DNAH14: variants seen among roughly 807,000 people sequenced by gnomAD.
DNAH14 encodes the protein axonemal beta dynein heavy chain 14.
DNAH14 carries 478 observed loss-of-function variants against 520.9 expected under a neutral mutation model. The ratio of observed to expected loss-of-function variants is 0.92; its 90% CI spans 0.85 to 0.99. The LOEUF (loss-of-function observed/expected upper bound fraction) is 0.99. DNAH14 is among the 50% of genes least tolerant of loss of function. The pLI, the probability that DNAH14 is intolerant of heterozygous loss-of-function variation, is 0.00. For missense variants in DNAH14, 4,831 were observed against 5,234.5 expected (o/e 0.92, Z 2.38); for synonymous variants, 1,581 against 1,757.2 (o/e 0.90, Z 2.51).
chr1:225,292,175 A>G (rs1212611314), intron 55 of DNAH14, among the ~76,000 whole-genome samples: 6 of 152,068 alleles, frequency 3.9e-5, no homozygotes, highest in Non-Finnish European at 8.8e-5. Context: ...ATTCTTTTCC[A>G]AGACCAATGT....
intron 43 of DNAH14, among the ~76,000 whole-genome samples, chr1:225,246,051 G>C (rs1289424313): frequency 6.7e-6 from 1 of 148,314 alleles, no homozygotes; most frequent in African/African-American, 2.5e-5. Flanking sequence ...ACAGAACAGA[G>C]GCCTTAGAAA....
At chr1:225,154,006 G>A (rs1349095243) in intron 34 of DNAH14, among the ~76,000 whole-genome samples, 180 bp downstream of exon 34, 4 of 151,728 alleles carry the variant, frequency 2.6e-5, no homozygotes, top group Non-Finnish European at 4.4e-5. Context: ...CACAAAATCG[G>A]AGTACTTTTC....
chr1:224,935,265 T>C (rs1200270533), intron 1 of DNAH14, among the ~76,000 whole-genome samples: 1 of 151,864 alleles, frequency 6.6e-6, no homozygotes, highest in Non-Finnish European at 1.5e-5. Context: ...TCAACATAAA[T>C]GGATTATTCA....
At chr1:225,082,527 A>G (rs1234402624) in intron 19 of DNAH14, 22 bp from the exon 20 acceptor site, 1 of 1,503,988 alleles carries the variant, frequency 6.6e-7, no homozygotes, top group African/African-American at 1.4e-5. Context: ...TTATAAGCCT[A>G]CTGACCCATT....
intron 77 of DNAH14, 25 bp downstream of exon 77, chr1:225,368,057 C>T: frequency 6.7e-7 from 1 of 1,501,570 alleles, no homozygotes; most frequent in Non-Finnish European, 9.0e-7. Context: ...TTCAAACAAA[C>T]AACAAATAAG....
At chr1:225,302,611 A>G (rs2094160831) in intron 56 of DNAH14, among the ~76,000 whole-genome samples, 2 of 152,226 alleles carry the variant, frequency 1.3e-5, no homozygotes, top group African/African-American at 2.4e-5. Flanking sequence ...GCAGCAGCAC[A>G]GCCAGGTCTT....
At chr1:225,366,210 A>T (rs2095551027) in intron 76 of DNAH14, among the ~76,000 whole-genome samples, 1 of 152,242 alleles carries the variant, frequency 6.6e-6, no homozygotes, top group Non-Finnish European at 1.5e-5. Flanking sequence ...CTACTCTCAC[A>T]TAATGCTGAC....
At chr1:225,349,386 A>G (rs2095332927) in intron 71 of DNAH14, among the ~76,000 whole-genome samples, 1 of 152,232 alleles carries the variant, frequency 6.6e-6, no homozygotes, top group Admixed American at 6.5e-5. Context: ...GCAATAAAAG[A>G]GGACAGGAAG....
At chr1:225,204,937 G>A (rs1357650863) in intron 39 of DNAH14, among the ~76,000 whole-genome samples, 1 of 152,172 alleles carries the variant, frequency 6.6e-6, no homozygotes, top group East Asian at 1.9e-4. Flanking sequence ...TCCTTCATGG[G>A]ACTTTGAGGC....
At chr1:225,058,984 G>A (rs1287483460) in intron 17 of DNAH14, among the ~76,000 whole-genome samples, 3 of 152,184 alleles carry the variant, frequency 2.0e-5, no homozygotes, top group African/African-American at 7.2e-5. Context: ...GTGTGGTGCT[G>A]AGAAGAATGT....
In DNAH14 at chr1:225,398,514, T is replaced by A. The variant is rs2096057422; in HGVS notation, c.13492-6T>A. 3.2e-6 allele frequency: 5 copies of A among 1,551,592 alleles called. No individual in the cohort carries two copies. Among genetic ancestry groups the A allele is most frequent in the Non-Finnish European group, 3.5e-6 (4 of 1,146,902 alleles). ...GATCCCTGACACCACCTCTCTTCCA[T>A]CTTAGGGCTCAGCTTCCTCTCACAC... On this transcript the variant is annotated splice_region_variant and splice_polypyrimidine_tract_variant and intron_variant, in intron 84 of 85. Coordinates refer to ENST00000682510, the MANE Select transcript of DNAH14 (RefSeq NM_001367479.1).
At chr1:225,364,654 C>T in intron 75 of DNAH14, 138 bp from the exon 76 acceptor site, 1 of 542,746 alleles carries the variant, frequency 1.8e-6, no homozygotes, top group African/African-American at 2.0e-5. Flanking sequence ...AACATGGAAG[C>T]TCTTCTGATA....
intron 17 of DNAH14, among the ~76,000 whole-genome samples, chr1:225,052,148 C>T (rs1459151401): frequency 6.6e-6 from 1 of 152,046 alleles, no homozygotes; most frequent in Non-Finnish European, 1.5e-5. Context: ...AGAATGTAAG[C>T]TTCATCAAGC....
At chr1:225,337,036 G>A (rs182589580) in intron 66 of DNAH14, among the ~76,000 whole-genome samples, 3 of 152,116 alleles carry the variant, frequency 2.0e-5, no homozygotes, top group Non-Finnish European at 4.4e-5. Context: ...TTGTTGTGAT[G>A]GGCATCATAA....
intron 36 of DNAH14, among the ~76,000 whole-genome samples, chr1:225,176,833 T>C (rs1174119406): frequency 6.6e-6 from 1 of 152,236 alleles, no homozygotes; most frequent in Admixed American, 6.5e-5. Context: ...TTAAACCTCT[T>C]TCTTTTATAA....
chr1:225,142,743 C>T (rs1298465464), intron 28 of DNAH14, among the ~76,000 whole-genome samples: 2 of 152,098 alleles, frequency 1.3e-5, no homozygotes, highest in Non-Finnish European at 2.9e-5. Flanking sequence ...GTCTGGCCAA[C>T]ATGGTGAAAA....
intron 1 of DNAH14, among the ~76,000 whole-genome samples, chr1:224,937,038 C>T (rs535495996): frequency 1.7e-4 from 26 of 151,986 alleles, no homozygotes; most frequent in Middle Eastern, 3.4e-3. Flanking sequence ...TAAACATCCT[C>T]ATCAAAATGA....
intron 37 of DNAH14, among the ~76,000 whole-genome samples, chr1:225,187,795 C>A (rs1250528889): frequency 6.6e-6 from 1 of 151,774 alleles, no homozygotes; most frequent in Non-Finnish European, 1.5e-5. Flanking sequence ...AAATTGTTAT[C>A]TTTTTGTTGT....
chr1:224,957,538 G>A (rs2060591723), intron 3 of DNAH14, among the ~76,000 whole-genome samples: 1 of 152,060 alleles, frequency 6.6e-6, no homozygotes, highest in Admixed American at 6.6e-5. Context: ...TAGCAATTAC[G>A]AGCCAGGAAA....
Sources: gnomAD v4.1 joint callset for allele counts (sites outside exome capture counted in the v4.1 genomes callset) on GRCh38, gnomAD v4.1.1 for gene constraint, MANE v1.5 for transcripts, NCBI Gene and HGNC (gene_info 2026-07-23, HGNC 2026-07-21) for gene names.